The following ARHGEF10 variants were observed in gnomAD, a reference collection of about 807,000 sequenced individuals.
The protein encoded by ARHGEF10 is Rho guanine nucleotide exchange factor 10, also known as Rho guanine nucleotide exchange factor (GEF) 10.
A neutral mutation model predicts 147.4 loss-of-function variants in ARHGEF10; 140 were observed. The ratio of observed to expected loss-of-function variants is 0.95; its 90% CI spans 0.83 to 1.09. The LOEUF (loss-of-function observed/expected upper bound fraction) is 1.09. Among genes scored for constraint, ARHGEF10 ranks in the 50% least tolerant of loss-of-function variants. ARHGEF10 has a pLI of 0.00. For missense variants in ARHGEF10, 2,222 were observed against 1,752.7 expected, an observed-to-expected ratio of 1.27 and a Z score of -4.78; for synonymous variants, 902 against 695.8, an observed-to-expected ratio of 1.30 and a Z score of -4.67.
At chr8:1,855,942 T>C (rs920638037) in intron 2 of ARHGEF10, among the ~76,000 whole-genome samples, 1 of 151,070 alleles carries the variant, frequency 6.6e-6, no homozygotes, top group Admixed American at 6.6e-5. Flanking sequence ...CCTTCTGAAA[T>C]AGGTTTTGTT....
intron 13 of ARHGEF10, among the ~76,000 whole-genome samples, chr8:1,895,900 G>A (rs1237562984): frequency 6.6e-6 from 1 of 151,856 alleles, no homozygotes; most frequent in Non-Finnish European, 1.5e-5. Flanking sequence ...ATCAGCCCCC[G>A]CCCCCAGCCC....
At position 1,861,337 on chromosome 8, in the gene ARHGEF10, C is replaced by G. The variant is rs564979443; in HGVS notation, c.481+1153C>G. Reference sequence around the variant, plus strand: ...GTCCGTGGCTGCTTCGACTGCAGCCCAAGGGCTGGGGCCTCCTGCCGGCCC... The same window carrying G: ...GTCCGTGGCTGCTTCGACTGCAGCCGAAGGGCTGGGGCCTCCTGCCGGCCC... On this transcript the variant is annotated intron_variant, in intron 4 of 28. Coordinates refer to ENST00000349830, the MANE Select transcript of ARHGEF10 (RefSeq NM_014629.4). 2.6e-5 allele frequency among the ~76,000 whole-genome samples: 4 copies of G among 152,370 alleles called. No homozygotes were observed. The South Asian group carries it at 8.3e-4, about 32-fold the overall frequency.
rs1049562319 is a variant in ARHGEF10, at chr8:1,957,406, T to C, written c.*143T>C. The C allele has an allele frequency of 2.4e-5, 28 of 1,188,096 alleles. No homozygotes were observed. Among genetic ancestry groups the C allele is most frequent in the Non-Finnish European group, 3.1e-5 (26 of 847,462 alleles). The allele number at this position is 1,188,096 out of a possible 1,614,324, so 73.6% of individuals were successfully genotyped here. On this transcript the variant is annotated 3_prime_UTR_variant, in exon 29 of 29. Coordinates refer to ENST00000349830, the MANE Select transcript of ARHGEF10 (RefSeq NM_014629.4). ...TTTGGGGGAGAAACGTGCAATAGCG[T>C]AATGGTGGTGTCCCTGCCAATTCCT...
In ARHGEF10 at chr8:1,869,242, C is replaced by G; in HGVS notation, c.671C>G (p.Ser224Cys). Residue 224 changes from serine (S) to cysteine (C), a missense_variant, in exon 7 of 29, where the codon TCT becomes TGT. Physicochemically the swap from Ser to Cys is moderately radical, Grantham distance 112. Transcript: ENST00000349830. ...GACGTTCCAAGGGAAAACTCAGACT[C>G]TGAACCAGGTTTGATTTTGTCTGGA... ...YDDVPRENSD[S>C]EPDEMIYDDV... 2 of 1,613,854 alleles carry G rather than the reference C, an allele frequency of 1.2e-6. No homozygotes were observed. The highest frequency in any genetic ancestry group is 1.7e-6 in the Non-Finnish European group (2 of 1,179,724).
intron 11 of ARHGEF10, 74 bp downstream of exon 11, chr8:1,885,781 T>A (rs1426394239): frequency 8.4e-7 from 1 of 1,184,550 alleles, no homozygotes; most frequent in Non-Finnish European, 1.3e-6. Context: ...GTGTGTTTGA[T>A]GCTGGTTGGT....
intron 2 of ARHGEF10, among the ~76,000 whole-genome samples, chr8:1,847,418 C>G (rs1016127639): frequency 1.3e-5 from 2 of 152,204 alleles, no homozygotes; most frequent in African/African-American, 2.4e-5. Context: ...AAGCCTTTCT[C>G]TAATTAGTAG....
At chr8:1,828,350 G>A (rs1399662281) in intron 1 of ARHGEF10, among the ~76,000 whole-genome samples, 3 of 152,252 alleles carry the variant, frequency 2.0e-5, no homozygotes, top group Non-Finnish European at 4.4e-5. Context: ...ACCGTGGCAT[G>A]CACACTTAAC....
intron 28 of ARHGEF10, among the ~76,000 whole-genome samples, chr8:1,953,415 G>A (rs916453524): frequency 2.0e-4 from 30 of 152,174 alleles, no homozygotes; most frequent in Non-Finnish European, 2.6e-4. Context: ...GAAGGAAGCC[G>A]GGGATCCGAA....
intron 17 of ARHGEF10, among the ~76,000 whole-genome samples, chr8:1,907,732 G>C (rs1194426303): frequency 6.6e-6 from 1 of 152,214 alleles, no homozygotes; most frequent in Non-Finnish European, 1.5e-5. Flanking sequence ...CACGATGCCA[G>C]GGCTTGAATT....
At chr8:1,835,484 T>G (rs1375275155) in intron 1 of ARHGEF10, among the ~76,000 whole-genome samples, 1 of 152,136 alleles carries the variant, frequency 6.6e-6, no homozygotes, top group African/African-American at 2.4e-5. Context: ...GTTTCCCAGG[T>G]AGAGGCCCTG....
chr8:1,910,497 G>A (rs549678199), intron 18 of ARHGEF10, among the ~76,000 whole-genome samples: 7 of 151,986 alleles, frequency 4.6e-5, no homozygotes, highest in African/African-American at 1.4e-4. Flanking sequence ...TTAAATCCTC[G>A]TCCTATTTAA....
intron 2 of ARHGEF10, among the ~76,000 whole-genome samples, chr8:1,854,302 C>T (rs997788911): frequency 6.6e-6 from 1 of 152,104 alleles, no homozygotes; most frequent in African/African-American, 2.4e-5. Context: ...AGCCCAGCTC[C>T]AGGCGGCCTC....
chr8:1,879,973 C>A, intron 8 of ARHGEF10, 75 bp from the exon 9 acceptor site: 1 of 1,034,032 alleles, frequency 9.7e-7, no homozygotes, highest in Non-Finnish European at 1.5e-6. Flanking sequence ...CTGCCAGCAT[C>A]CTCTCAATGT....
At chr8:1,926,265 G>A in intron 22 of ARHGEF10, 112 bp from the exon 23 acceptor site, 2 of 884,110 alleles carry the variant, frequency 2.3e-6, no homozygotes, top group Non-Finnish European at 3.8e-6. Flanking sequence ...TAATGAACCT[G>A]TAATTTCTGT....
At chr8:1,939,423 G>A (rs1813897150) in intron 26 of ARHGEF10, among the ~76,000 whole-genome samples, 1 of 152,234 alleles carries the variant, frequency 6.6e-6, no homozygotes, top group Admixed American at 6.5e-5. Flanking sequence ...GGATGGCTGG[G>A]CTGCCAGCGT....
intron 17 of ARHGEF10, among the ~76,000 whole-genome samples, chr8:1,908,535 A>G (rs1459264679): frequency 1.3e-5 from 2 of 152,060 alleles, no homozygotes; most frequent in East Asian, 3.9e-4. Context: ...CCCGGCCCAC[A>G]CTTTGATTTT....
At chr8:1,828,129 C>G (rs955876254) in intron 1 of ARHGEF10, among the ~76,000 whole-genome samples, 1 of 152,198 alleles carries the variant, frequency 6.6e-6, no homozygotes, top group East Asian at 1.9e-4. Context: ...TACAGACAGC[C>G]GAGGCCCTTT....
At position 1,949,647 on chromosome 8, in the gene ARHGEF10, A is replaced by C. The variant is rs542469521; in HGVS notation, c.3398-3058A>C. 8.5e-5 allele frequency among the ~76,000 whole-genome samples: 13 copies of C among 152,296 alleles called. No homozygotes were observed. In the East Asian group the frequency reaches 2.5e-3, roughly 29 times the overall value. ...CCTCCAGGAACTATGTGACCAAATA[A>C]AATGGCCAAAATTTCCATTAGAAAA... On this transcript the variant is annotated intron_variant, in intron 27 of 28. Transcript: ENST00000349830.
intron 7 of ARHGEF10, among the ~76,000 whole-genome samples, chr8:1,872,432 T>G (rs998803461): frequency 2.6e-5 from 4 of 152,164 alleles, no homozygotes; most frequent in African/African-American, 9.7e-5. Flanking sequence ...AGCAGAAACT[T>G]GTAAACTCCC....
Sources: allele counts gnomAD v4.1 joint callset (sites outside exome capture counted in the v4.1 genomes callset), GRCh38; gene constraint gnomAD v4.1.1; transcripts MANE v1.5; gene names NCBI Gene and HGNC (gene_info 2026-07-23, HGNC 2026-07-21).